Variants in CADPS observed in about 807,000 individuals in gnomAD.
The protein encoded by CADPS is calcium-dependent secretion activator 1.
In CADPS, 57 loss-of-function variants were observed where a neutral mutation model predicts 167.3. The observed-to-expected ratio is 0.34, with a 90% CI of 0.28 to 0.42. The LOEUF is 0.42. CADPS is among the 20% of genes least tolerant of loss of function. CADPS has a pLI of 1.00. For missense variants in CADPS, 1,414 were observed against 1,738.1 expected (o/e 0.81, Z 3.32); for synonymous variants, 676 against 635.3 (o/e 1.06, Z -0.96).
intron 3 of CADPS, among the ~76,000 whole-genome samples, chr3:62,715,398 C>CTATT (rs2084308387): frequency 7.7e-6 from 1 of 129,192 alleles, no homozygotes. Context: ...ATCTATCTAT[C>CTATT]TGTATTATAT....
intron 6 of CADPS, among the ~76,000 whole-genome samples, chr3:62,632,894 T>C (rs80345861): frequency 0.01 from 1,538 of 152,084 alleles, 21 homozygotes; most frequent in African/African-American, 0.035. Flanking sequence ...ATAATCCTTA[T>C]GGGAATAAAA....
chr3:62,863,284 C>G (rs1248190742), intron 1 of CADPS, among the ~76,000 whole-genome samples: 1 of 152,052 alleles, frequency 6.6e-6, no homozygotes, highest in African/African-American at 2.4e-5. Flanking sequence ...TATCTGTGAC[C>G]TAAGACAAAT....
chr3:62,732,475 G>C (rs2078106647), intron 3 of CADPS, among the ~76,000 whole-genome samples: 1 of 152,158 alleles, frequency 6.6e-6, no homozygotes, highest in Non-Finnish European at 1.5e-5. Flanking sequence ...GCCTGTGAGA[G>C]ACCCTGAAGA....
chr3:62,824,166 C>CAA (rs3047274), intron 1 of CADPS, among the ~76,000 whole-genome samples: 48 of 126,654 alleles, frequency 3.8e-4, no homozygotes, highest in South Asian at 1.2e-3. Context: ...GCTATAACTT[C>CAA]AAAAAAAAAA....
chr3:62,783,646 GAT>G (rs1306661206), intron 1 of CADPS, among the ~76,000 whole-genome samples: 1 of 152,124 alleles, frequency 6.6e-6, no homozygotes. Flanking sequence ...AGTTAAAAAA[GAT>G]ATATATGTAA....
intron 9 of CADPS, among the ~76,000 whole-genome samples, chr3:62,557,814 G>A (rs770500685): frequency 1.3e-5 from 2 of 152,180 alleles, no homozygotes; most frequent in Non-Finnish European, 2.9e-5. Context: ...ACTTGATGAA[G>A]GTTAGCTATT....
rs1425278105 is a variant in CADPS, at chr3:62,493,633, C to T, written c.2727+12G>A. On this transcript the variant is annotated intron_variant, in intron 19 of 29. Transcript: ENST00000383710. ...CCACCTCTCTTCTTTCACGAGATTTCACTTTACTTACTTCTCCTTTATCAA... is the reference window on the plus strand; with the variant it reads ...CCACCTCTCTTCTTTCACGAGATTTTACTTTACTTACTTCTCCTTTATCAA... 6.4e-7 allele frequency: 1 copy of T among 1,553,726 alleles called. No homozygotes were observed. The highest frequency in any genetic ancestry group is 2.0e-5 in the Admixed American group (1 of 51,278).
chr3:62,418,487 AT>A (rs5849477), intron 28 of CADPS, among the ~76,000 whole-genome samples: 24,224 of 89,274 alleles, frequency 0.27, 1,986 homozygotes, highest in African/African-American at 0.36. Flanking sequence ...ACCATGCCCT[AT>A]TTTTTTTTTT....
At chr3:62,700,984 T>G (rs1053091791) in intron 3 of CADPS, among the ~76,000 whole-genome samples, 14 of 152,080 alleles carry the variant, frequency 9.2e-5, no homozygotes, top group Admixed American at 9.2e-4. Context: ...CAAGTTCTTT[T>G]ATCTTCACAA....
chr3:62,532,767 C>T lies in CADPS; in HGVS notation c.2291+104G>A, dbSNP rs2073983313. The T allele has an allele frequency of 3.3e-6, 3 of 919,372 alleles. No individual in the cohort carries two copies. In the East Asian group the frequency reaches 7.9e-5, roughly 24 times the overall value. 57.0% of individuals were successfully genotyped at this position (919,372 alleles called of 1,614,324 possible). On this transcript the variant is annotated intron_variant, in intron 13 of 29. Transcript: ENST00000383710. ...TGTGTGTGTACGTGTGCACATACCA[C>T]CGAAGGAATGAAGACAGGCAGATCC...
At chr3:62,469,023 T>C (rs1576456132) in intron 24 of CADPS, among the ~76,000 whole-genome samples, 2 of 152,332 alleles carry the variant, frequency 1.3e-5, no homozygotes, top group Admixed American at 6.5e-5. Context: ...TAGATTAACA[T>C]AGTGGTTGCA....
intron 2 of CADPS, among the ~76,000 whole-genome samples, chr3:62,760,455 G>A (rs1382657823): frequency 6.6e-6 from 1 of 152,016 alleles, no homozygotes; most frequent in Non-Finnish European, 1.5e-5. Context: ...GAGTGCAGTG[G>A]TGCAGCTCAC....
chr3:62,593,634 C>G (rs1359167031), intron 6 of CADPS, among the ~76,000 whole-genome samples: 1 of 152,194 alleles, frequency 6.6e-6, no homozygotes, highest in African/African-American at 2.4e-5. Flanking sequence ...CTGCTCCAAT[C>G]TCACAAGCCT....
intron 6 of CADPS, among the ~76,000 whole-genome samples, chr3:62,599,080 A>G (rs1397783138): frequency 6.6e-6 from 1 of 152,096 alleles, no homozygotes; most frequent in Non-Finnish European, 1.5e-5. Flanking sequence ...GATTGTGGCT[A>G]TTAAGATGAA....
intron 3 of CADPS, among the ~76,000 whole-genome samples, chr3:62,703,079 TC>T (rs1397660337): frequency 6.6e-6 from 1 of 152,142 alleles, no homozygotes; most frequent in African/African-American, 2.4e-5. Flanking sequence ...TTCATAAGCA[TC>T]TTTTTACAGA....
chr3:62,640,416 C>A (rs17354886), intron 6 of CADPS, among the ~76,000 whole-genome samples: 23,984 of 152,050 alleles, frequency 0.16, 2,334 homozygotes, highest in Admixed American at 0.21. Flanking sequence ...ATAAGCCTGG[C>A]CCATTCTACA....
intron 1 of CADPS, among the ~76,000 whole-genome samples, chr3:62,860,940 T>C (rs1172151393): frequency 6.6e-6 from 1 of 152,196 alleles, no homozygotes; most frequent in Non-Finnish European, 1.5e-5. Flanking sequence ...GTTTGGGGGA[T>C]GAAATCATGT....
Position 62,827,094 on chromosome 3 carries a change from C to T in CADPS, c.441+47495G>A, listed in dbSNP as rs186529166. 3.2e-3 allele frequency among the ~76,000 whole-genome samples: 481 copies of T among 152,252 alleles called. 2 individuals carry two copies. Among genetic ancestry groups the T allele is most frequent in the Non-Finnish European group, 5.9e-3 (404 of 68,006 alleles). ...TCCCAGTAGATAATTTGATTGCAGA[C>T]AAGATCAGACAATGTACTGCAGAGG... On this transcript the variant is annotated intron_variant, in intron 1 of 29. Coordinates refer to ENST00000383710, the MANE Select transcript of CADPS (RefSeq NM_003716.4).
chr3:62,408,917 G>A (rs752538426), intron 28 of CADPS, among the ~76,000 whole-genome samples: 1 of 152,202 alleles, frequency 6.6e-6, no homozygotes, highest in African/African-American at 2.4e-5. Flanking sequence ...AGAGTCTACT[G>A]TTTTCAGCAA....
Sources: gnomAD v4.1 joint callset for allele counts (sites outside exome capture counted in the v4.1 genomes callset) on GRCh38, gnomAD v4.1.1 for gene constraint, MANE v1.5 for transcripts, NCBI Gene and HGNC (gene_info 2026-07-23, HGNC 2026-07-21) for gene names.